UTP20: variants seen among roughly 807,000 people sequenced by gnomAD.
UTP20 encodes the protein UTP20 small subunit processome component, also known as small subunit processome component 20 homolog.
In UTP20, 164 loss-of-function variants were observed where a neutral mutation model predicts 329.5. That is an observed-to-expected ratio of 0.50 (90% CI 0.44 to 0.57). The LOEUF is 0.57. UTP20 is among the 20% of genes least tolerant of loss of function. The probability of loss-of-function intolerance (pLI) is 0.00; values close to 1 mark genes in which losing one functional copy is unlikely to be tolerated. For missense variants in UTP20, 3,055 were observed against 3,284.2 expected, an observed-to-expected ratio of 0.93 and a Z score of 1.71; for synonymous variants, 1,151 against 1,159.3, an observed-to-expected ratio of 0.99 and a Z score of 0.14.
chr12:101,361,674 A>G lies in UTP20; in HGVS notation c.5692-288A>G, dbSNP rs920707512. Among the ~76,000 whole-genome samples the G allele has an allele frequency of 2.1e-3, 295 of 142,106 alleles. 1 individual carries two copies. The highest frequency in any genetic ancestry group is 7.5e-3 in the African/African-American group (264 of 35,346). The allele number at this position is 142,106 out of a possible 152,430, so 93.2% of individuals were successfully genotyped here. A position where few individuals can be genotyped will look rare whatever the true frequency, so the allele number is the denominator to read the frequency against. On this transcript the variant is annotated intron_variant, in intron 43 of 61. Transcript: ENST00000261637. ...AAATAAATAAATAAATAAATAAATA[A>G]ATAAAGTTCAAGACTCTTGTGCCTT... is the stretch of plus-strand genomic sequence containing the variant.
chr12:101,315,781 A>G (rs911719505), intron 21 of UTP20, among the ~76,000 whole-genome samples: 1 of 152,144 alleles, frequency 6.6e-6, no homozygotes, highest in Non-Finnish European at 1.5e-5. Context: ...GCTGGCATTT[A>G]TGGTGTTAGT....
chr12:101,356,902 A>G (rs367869949), intron 42 of UTP20, 24 bp from the exon 43 acceptor site: 29 of 1,594,452 alleles, frequency 1.8e-5, no homozygotes, highest in Admixed American at 1.1e-4. Context: ...TTGATTAGTC[A>G]TTTTTCAACT....
intron 36 of UTP20, 22 bp downstream of exon 36, chr12:101,344,772 G>A (rs1403542241): frequency 6.2e-7 from 1 of 1,608,044 alleles, no homozygotes; most frequent in East Asian, 2.2e-5. Flanking sequence ...TGTGTTTTAG[G>A]CACTACTGTC....
At chr12:101,379,288 C>A in intron 56 of UTP20, 83 bp from the exon 57 acceptor site, 1 of 1,296,090 alleles carries the variant, frequency 7.7e-7, no homozygotes, top group Non-Finnish European at 1.1e-6. Flanking sequence ...ACACATAATA[C>A]TCTGTAAATG....
At chr12:101,299,203 C>A (rs1023109752) in intron 12 of UTP20, among the ~76,000 whole-genome samples, 1 of 152,160 alleles carries the variant, frequency 6.6e-6, no homozygotes, top group Non-Finnish European at 1.5e-5. Flanking sequence ...TGTCATTGAG[C>A]AACTGTGTAT....
chr12:101,382,013 T>C (rs1264974812), intron 58 of UTP20, among the ~76,000 whole-genome samples: 1 of 85,916 alleles, frequency 1.2e-5, no homozygotes, highest in Admixed American at 1.5e-4. Flanking sequence ...AGCTAGACTC[T>C]GTATCAAAAA....
intron 10 of UTP20, among the ~76,000 whole-genome samples, chr12:101,292,455 G>A (rs769465690): frequency 1.6e-4 from 24 of 152,270 alleles, no homozygotes; most frequent in Non-Finnish European, 3.2e-4. Context: ...GATAGTTGTT[G>A]GAGAAATGGA....
At chr12:101,362,373 G>T (rs1356358978) in intron 44 of UTP20, among the ~76,000 whole-genome samples, 2 of 152,136 alleles carry the variant, frequency 1.3e-5, no homozygotes, top group Admixed American at 1.3e-4. Flanking sequence ...ATGTTCACAG[G>T]AGCTTTATTT....
At chr12:101,352,603 A>G (rs1593444888) in intron 39 of UTP20, among the ~76,000 whole-genome samples, 1 of 146,234 alleles carries the variant, frequency 6.8e-6, no homozygotes, top group Non-Finnish European at 1.5e-5. Flanking sequence ...ATAGGTGGGA[A>G]TTGAACAATG....
At position 101,305,903 on chromosome 12, in the gene UTP20, A is replaced by G. The variant is rs758002020; in HGVS notation, c.1782-12A>G. Reference sequence around the variant, plus strand: ...ATGGTACAGTTTGGGTCTAATGAACATCTCGTTGCAGAACCTTTCCCCTGG... The same window carrying G: ...ATGGTACAGTTTGGGTCTAATGAACGTCTCGTTGCAGAACCTTTCCCCTGG... On this transcript the variant is annotated splice_polypyrimidine_tract_variant and intron_variant, in intron 15 of 61. Transcript: ENST00000261637. The G allele has an allele frequency of 2.5e-6, 4 of 1,586,666 alleles. No homozygotes were observed. The East Asian group carries it at 9.2e-5, about 36-fold the overall frequency.
Position 101,338,860 on chromosome 12 carries a change from A to G in UTP20, c.3916A>G (p.Ile1306Val). Residue 1306 changes from isoleucine to valine, a missense_variant, in exon 31 of 62, where the codon ATT (isoleucine) becomes GTT (valine). Coordinates refer to ENST00000261637, the MANE Select transcript of UTP20 (RefSeq NM_014503.3). ...ATTAATTCTACCTCATGTACCTGCA[A>G]TTCTTCAGTATCTCAGCAAAACCAC... ...GRLILPHVPA[I>V]LQYLSKTTIS... 1 of 1,612,388 alleles carries G rather than the reference A, an allele frequency of 6.2e-7. No individual in the cohort carries two copies. The highest frequency in any genetic ancestry group is 1.7e-5 in the Admixed American group (1 of 59,506).
intron 57 of UTP20, among the ~76,000 whole-genome samples, chr12:101,380,136 A>G (rs1317295543): frequency 6.6e-6 from 1 of 152,120 alleles, no homozygotes; most frequent in Non-Finnish European, 1.5e-5. Flanking sequence ...CCAGCACTTT[A>G]GGAGGCTGAG....
In UTP20 at chr12:101,302,685, A is replaced by T. The variant is rs1345966246; in HGVS notation, c.1781+132A>T. Reference sequence around the variant, plus strand: ...GAGTTGTATTCACGTAGTGAAATTTAATATTGATTTAGATCCTCCAGTTAA... The same window carrying T: ...GAGTTGTATTCACGTAGTGAAATTTTATATTGATTTAGATCCTCCAGTTAA... On this transcript the variant is annotated intron_variant, in intron 15 of 61. Coordinates refer to ENST00000261637, the MANE Select transcript of UTP20 (RefSeq NM_014503.3). 3 of 575,104 alleles carry T rather than the reference A, an allele frequency of 5.2e-6. No homozygotes were observed. In the East Asian group the frequency reaches 9.5e-5, roughly 18 times the overall value. 35.6% of individuals were successfully genotyped at this position (575,104 alleles called of 1,614,324 possible). A position where few individuals can be genotyped will look rare whatever the true frequency, so the allele number is the denominator to read the frequency against.
At chr12:101,383,503 G>A (rs987822872) in intron 59 of UTP20, 40 bp from the exon 60 acceptor site, 10 of 1,601,054 alleles carry the variant, frequency 6.2e-6, no homozygotes, top group African/African-American at 2.7e-5. Flanking sequence ...GAGTGCTAAA[G>A]AGAAGTCTTT....
chr12:101,331,316 T>C (rs916212878), intron 27 of UTP20, among the ~76,000 whole-genome samples: 2 of 152,196 alleles, frequency 1.3e-5, no homozygotes, highest in African/African-American at 2.4e-5. Flanking sequence ...TTTGATATCA[T>C]GTTTGCAGTT....
rs139860197 is a variant in UTP20 at position 101,367,947 on chromosome 12, A to G, written c.6355A>G (p.Ile2119Val). The G allele has an allele frequency of 3.2e-5, 51 of 1,613,430 alleles. No individual in the cohort carries two copies. In the African/African-American group the frequency reaches 5.1e-4, roughly 16 times the overall value. ...EMLDPFVSLL[I>V]DCLGSMDVKV... ...GCTGGATCCTTTTGTGTCTCTCCTC[A>G]TAGACTGCCTGGGCTCCATGGATGT... Residue 2119 changes from isoleucine (I) to valine (V), a missense_variant, in exon 48 of 62, where the codon ATA becomes GTA. By Grantham distance (29) the Ile-to-Val change is conservative. Around this residue, in one of 3 missense-constraint regions of UTP20, gnomAD observed 2,445 missense variants for 2,575.5 expected, o/e 0.95. Coordinates refer to ENST00000261637, the MANE Select transcript of UTP20 (RefSeq NM_014503.3).
At chr12:101,330,974 T>C (rs956219056) in intron 27 of UTP20, among the ~76,000 whole-genome samples, 1 of 152,252 alleles carries the variant, frequency 6.6e-6, no homozygotes, top group Non-Finnish European at 1.5e-5. Context: ...ATTTATGTGC[T>C]TGAGCTCAGT....
chr12:101,288,325 A>G (rs1253147695), intron 5 of UTP20, among the ~76,000 whole-genome samples: 1 of 152,238 alleles, frequency 6.6e-6, no homozygotes, highest in East Asian at 1.9e-4. Context: ...GACCAAATTT[A>G]ACAATGTGAT....
chr12:101,305,885 A>G (rs1403925144), intron 15 of UTP20, 30 bp from the exon 16 acceptor site: 4 of 1,562,086 alleles, frequency 2.6e-6, no homozygotes, highest in Non-Finnish European at 3.5e-6. Flanking sequence ...TATATGGTAC[A>G]GTTTGGGTCT....
Sources: allele counts gnomAD v4.1 joint callset (sites outside exome capture counted in the v4.1 genomes callset), GRCh38; gene constraint gnomAD v4.1.1; regional missense constraint gnomAD v4.1.1; transcripts MANE v1.5; gene names NCBI Gene and HGNC (gene_info 2026-07-23, HGNC 2026-07-21).